Variants in ZNF254 observed in about 807,000 individuals in gnomAD.
The protein encoded by ZNF254 is CTD-2017D11.1.
In ZNF254, 10 loss-of-function variants were observed where a neutral mutation model predicts 12.4. That is an observed-to-expected ratio of 0.80 (90% CI 0.50 to 1.36). The LOEUF (loss-of-function observed/expected upper bound fraction) is 1.36, where lower values mean the gene tolerates loss of function less well. Among genes scored for constraint, ZNF254 ranks in the 40% most tolerant of loss-of-function variants. The pLI, the probability that ZNF254 is intolerant of heterozygous loss-of-function variation, is 0.00. For missense variants in ZNF254, 996 were observed against 763.9 expected, an observed-to-expected ratio of 1.30 and a Z score of -3.58; for synonymous variants, 305 against 253.4, an observed-to-expected ratio of 1.20 and a Z score of -1.93.
At chr19:24,068,573 C>A (rs929427890) in intron 2 of ZNF254, among the ~76,000 whole-genome samples, 12 of 152,062 alleles carry the variant, frequency 7.9e-5, no homozygotes, top group African/African-American at 2.7e-4. Flanking sequence ...AGTGCTGGGA[C>A]TACCAGCATG....
rs184092339 is a variant in ZNF254 at position 24,116,649 on chromosome 19, C to T, written c.254-9605C>T. On this transcript the variant is annotated intron_variant, in intron 3 of 3. Coordinates refer to ENST00000357002, the MANE Select transcript of ZNF254 (RefSeq NM_203282.4). The stretch of plus-strand genomic sequence containing the variant: ...CTTTGCCTTTGGTTTGAATTTCCTC[C>T]TGTAGCTGGGAGTAGTTTGATCATC... 7.4e-4 allele frequency among the ~76,000 whole-genome samples: 113 copies of T among 151,722 alleles called. 2 individuals carry two copies. The highest frequency in any genetic ancestry group is 2.3e-3 in the African/African-American group (96 of 41,224).
Position 24,087,630 on chromosome 19 carries a change from A to G in ZNF254, c.30+293A>G, listed in dbSNP as rs566974056. Among the ~76,000 whole-genome samples, 148 of 152,284 alleles carry G rather than the reference A, an allele frequency of 9.7e-4. 1 individual carries two copies. Among genetic ancestry groups the G allele is most frequent in the African/African-American group, 3.4e-3 (142 of 41,566 alleles). Reference sequence around the variant, plus strand: ...GTTCAGGGACCCGGGGAGGGTCGTCAGGGGAGAATCCTGACTCGGGTTGCG... The same window carrying G: ...GTTCAGGGACCCGGGGAGGGTCGTCGGGGGAGAATCCTGACTCGGGTTGCG... On this transcript the variant is annotated intron_variant, in intron 1 of 3. Coordinates refer to ENST00000357002, the MANE Select transcript of ZNF254 (RefSeq NM_203282.4).
intron 3 of ZNF254, chr19:24,106,963 TG>T: frequency 2.3e-6 from 1 of 430,134 alleles, no homozygotes; most frequent in Non-Finnish European, 4.1e-6. Flanking sequence ...TCCATAATTT[TG>T]AGATACTGTA....
chr19:24,109,724 T>G (rs1463705873), intron 3 of ZNF254, among the ~76,000 whole-genome samples: 2 of 150,832 alleles, frequency 1.3e-5, no homozygotes, highest in African/African-American at 4.9e-5. Context: ...TCTTTTCTTT[T>G]TTTTTTTTTT....
chr19:24,057,139 G>C (rs1227351187), intron 2 of ZNF254, among the ~76,000 whole-genome samples: 1 of 152,154 alleles, frequency 6.6e-6, no homozygotes, highest in East Asian at 1.9e-4. Flanking sequence ...GTCCTCAAGT[G>C]GTATACAGAG....
rs1198187203 is a variant in ZNF254, at chr19:24,129,181, CATT to C, written c.*1207_*1209del. 4.0e-5 allele frequency: 6 copies of C among 151,800 alleles called. No individual in the cohort carries two copies. Among genetic ancestry groups the C allele is most frequent in the Admixed American group, 1.3e-4 (2 of 15,236 alleles). 9.4% of individuals were successfully genotyped at this position (151,800 alleles called of 1,614,324 possible). Reference sequence around the variant, plus strand: ...AGGTGTTCAGAATAATATTCCTCTGCATTATTATGAATGAAAAGCATTCTTAAT... The same window carrying C: ...AGGTGTTCAGAATAATATTCCTCTGCATTATGAATGAAAAGCATTCTTAAT... On this transcript the variant is annotated 3_prime_UTR_variant, in exon 4 of 4. Transcript: ENST00000357002.
At chr19:24,042,263 C>G (rs1309014956) in intron 1 of ZNF254, among the ~76,000 whole-genome samples, 1 of 152,152 alleles carries the variant, frequency 6.6e-6, no homozygotes. Context: ...TTGTATCTTG[C>G]TCAGGGATTG....
chr19:24,039,685 T>C (rs1970089666), intron 1 of ZNF254, among the ~76,000 whole-genome samples: 1 of 152,180 alleles, frequency 6.6e-6, no homozygotes, highest in Admixed American at 6.5e-5. Context: ...GGTGAAACAG[T>C]CATGGACTCT....
chr19:24,117,545 G>C (rs1974175948), intron 3 of ZNF254, among the ~76,000 whole-genome samples: 1 of 152,176 alleles, frequency 6.6e-6, no homozygotes, highest in Non-Finnish European at 1.5e-5. Flanking sequence ...AAGCCCGTCG[G>C]AAAAGCGCAG....
chr19:24,067,881 T>G (rs1352229135), intron 2 of ZNF254, among the ~76,000 whole-genome samples: 2 of 152,170 alleles, frequency 1.3e-5, no homozygotes, highest in East Asian at 1.9e-4. Context: ...AAGAGTATTA[T>G]GAAATAACTT....
chr19:24,035,791 G>A (rs62117628), intron 1 of ZNF254, among the ~76,000 whole-genome samples: 23,557 of 152,098 alleles, frequency 0.15, 2,042 homozygotes, highest in Middle Eastern at 0.23. Flanking sequence ...TACTGAAGAC[G>A]AATGTATTAA....
Position 24,129,204 on chromosome 19 carries a change from CTTAATT to C in ZNF254, c.*1228_*1233del, listed in dbSNP as rs796706862. ...TGCATTATTATGAATGAAAAGCATT[CTTAATT>C]TTAGTTAAAATTAAGTTAGTCATAT... On this transcript the variant is annotated 3_prime_UTR_variant, in exon 4 of 4. Coordinates refer to ENST00000357002, the MANE Select transcript of ZNF254 (RefSeq NM_203282.4). 16 of 151,988 alleles carry C rather than the reference CTTAATT, an allele frequency of 1.1e-4. No homozygotes were observed. Among genetic ancestry groups the C allele is most frequent in the African/African-American group, 3.6e-4 (15 of 41,500 alleles). The allele number at this position is 151,988 out of a possible 1,614,324, so 9.4% of individuals were successfully genotyped here. A position where few individuals can be genotyped will look rare whatever the true frequency, so the allele number is the denominator to read the frequency against.
At chr19:24,037,651 C>T (rs1312452670) in intron 1 of ZNF254, among the ~76,000 whole-genome samples, 1 of 152,090 alleles carries the variant, frequency 6.6e-6, no homozygotes, top group African/African-American at 2.4e-5. Context: ...CTCTTGTCCC[C>T]CAGGCTGAAG....
intron 1 of ZNF254, chr19:24,103,919 T>A (rs1973179943): frequency 6.6e-6 from 1 of 152,314 alleles, no homozygotes; most frequent in Admixed American, 6.5e-5. Context: ...GAGGTGGGGT[T>A]TCACTCTGTT....
At position 24,089,268 on chromosome 19, in the gene ZNF254, A is replaced by T. The variant is rs1972223312; in HGVS notation, c.30+1931A>T. 2.0e-5 allele frequency among the ~76,000 whole-genome samples: 3 copies of T among 152,030 alleles called. No individual in the cohort carries two copies. The South Asian group carries it at 6.2e-4, about 32-fold the overall frequency. ...TGGGATTACAGGCGTGAGCCACTGC[A>T]CCCGGCCAATTAATCATTTTTTGAC... On this transcript the variant is annotated intron_variant, in intron 1 of 3. Coordinates refer to ENST00000357002, the MANE Select transcript of ZNF254 (RefSeq NM_203282.4).
intron 3 of ZNF254, among the ~76,000 whole-genome samples, chr19:24,114,286 G>A (rs1170524576): frequency 1.3e-5 from 2 of 149,800 alleles, no homozygotes; most frequent in South Asian, 2.1e-4. Flanking sequence ...TATACTACAA[G>A]GCTACAGTAA....
rs1429761141 is a variant in ZNF254 at position 24,129,904 on chromosome 19, T to C, written c.*1924T>C. On this transcript the variant is annotated 3_prime_UTR_variant, in exon 4 of 4. Transcript: ENST00000357002. ...TTGCCTGCAAGCACATATGGACTCT[T>C]AGAATTGATTTACATAAAATTAAAT... 2.0e-5 allele frequency: 3 copies of C among 152,116 alleles called. No homozygotes were observed. The highest frequency in any genetic ancestry group is 7.2e-5 in the African/African-American group (3 of 41,446). The allele number at this position is 152,116 out of a possible 1,614,324, so 9.4% of individuals were successfully genotyped here.
intron 3 of ZNF254, among the ~76,000 whole-genome samples, chr19:24,110,780 A>G (rs573805566): frequency 1.1e-3 from 163 of 152,220 alleles, no homozygotes; most frequent in African/African-American, 3.7e-3. Flanking sequence ...TAAAATCATA[A>G]CATCCATCAT....
chr19:24,089,811 A>G lies in ZNF254; in HGVS notation c.30+2474A>G, dbSNP rs1375793497. On this transcript the variant is annotated intron_variant, in intron 1 of 3. Coordinates refer to ENST00000357002, the MANE Select transcript of ZNF254 (RefSeq NM_203282.4). ...GTCAGTCAATCAGATACCAGTATTGAGGAGAAAACAAATAATTTCTGCCTC... is the reference window on the plus strand; with the variant it reads ...GTCAGTCAATCAGATACCAGTATTGGGGAGAAAACAAATAATTTCTGCCTC... Among the ~76,000 whole-genome samples, 3 of 152,120 alleles carry G rather than the reference A, an allele frequency of 2.0e-5. No individual in the cohort carries two copies. In the East Asian group the frequency reaches 5.8e-4, roughly 29 times the overall value.
Sources: allele counts gnomAD v4.1 joint callset (sites outside exome capture counted in the v4.1 genomes callset), GRCh38; gene constraint gnomAD v4.1.1; transcripts MANE v1.5; gene names NCBI Gene and HGNC (gene_info 2026-07-23, HGNC 2026-07-21).